DNAAF9: variants seen among roughly 807,000 people sequenced by gnomAD.
DNAAF9 encodes the protein shulin.
DNAAF9 carries 90 observed loss-of-function variants against 167.0 expected under a neutral mutation model. The observed-to-expected ratio is 0.54, with a 90% CI of 0.45 to 0.64. The LOEUF is 0.64. Among genes scored for constraint, DNAAF9 ranks in the 30% least tolerant of loss-of-function variants. The pLI is 0.00. For missense variants in DNAAF9, 1,315 were observed against 1,442.2 expected, an observed-to-expected ratio of 0.91 and a Z score of 1.43; for synonymous variants, 491 against 508.8, an observed-to-expected ratio of 0.96 and a Z score of 0.47.
intron 25 of DNAAF9, among the ~76,000 whole-genome samples, chr20:3,292,695 G>A (rs1207092984): frequency 6.6e-6 from 1 of 151,894 alleles, no homozygotes; most frequent in Admixed American, 6.6e-5. Flanking sequence ...GAACCTGGGA[G>A]GCAGAGGTTG....
intron 16 of DNAAF9, among the ~76,000 whole-genome samples, chr20:3,320,145 G>A (rs1307190461): frequency 1.3e-5 from 2 of 152,174 alleles, no homozygotes; most frequent in East Asian, 3.8e-4. Context: ...ATACAGCATG[G>A]TGCCTGTCTT....
chr20:3,327,038 A>G (rs1166666464), intron 12 of DNAAF9, among the ~76,000 whole-genome samples: 1 of 152,142 alleles, frequency 6.6e-6, no homozygotes, highest in African/African-American at 2.4e-5. Flanking sequence ...AGGCTGGTCT[A>G]TTACTGGAAC....
intron 7 of DNAAF9, among the ~76,000 whole-genome samples, chr20:3,356,283 G>A (rs1429089802): frequency 6.6e-6 from 1 of 152,168 alleles, no homozygotes; most frequent in Non-Finnish European, 1.5e-5. Flanking sequence ...CTCCCAAAGT[G>A]CTGGGATTAC....
At chr20:3,327,071 G>A (rs2069724265) in intron 12 of DNAAF9, among the ~76,000 whole-genome samples, 1 of 152,156 alleles carries the variant, frequency 6.6e-6, no homozygotes, top group Non-Finnish European at 1.5e-5. Context: ...GACCTCAGCG[G>A]GAGAAGAGAG....
intron 33 of DNAAF9, among the ~76,000 whole-genome samples, chr20:3,258,323 G>A (rs1050873963): frequency 1.3e-5 from 2 of 152,196 alleles, no homozygotes; most frequent in Non-Finnish European, 2.9e-5. Context: ...CATAAATCAA[G>A]CAAAAGCTAT....
intron 6 of DNAAF9, among the ~76,000 whole-genome samples, chr20:3,363,842 T>C (rs957235333): frequency 2.8e-4 from 43 of 152,264 alleles, no homozygotes; most frequent in Non-Finnish European, 3.8e-4. Flanking sequence ...TTTAGCATTA[T>C]TCAATCTGCC....
In DNAAF9 at chr20:3,252,247, T is replaced by G. The variant is rs1453098383; in HGVS notation, c.*325A>C. 1 of 217,048 alleles carries G rather than the reference T, an allele frequency of 4.6e-6. No individual in the cohort carries two copies. The highest frequency in any genetic ancestry group is 9.2e-6 in the Non-Finnish European group (1 of 108,464). 13.4% of individuals were successfully genotyped at this position (217,048 alleles called of 1,614,324 possible). The stretch of plus-strand genomic sequence containing the variant: ...CAGTAGCTCCTCTGTGTAATCCTAA[T>G]GCTTCTCCCCAACCTCAAGAGCCCA... On this transcript the variant is annotated 3_prime_UTR_variant, in exon 37 of 37. Coordinates refer to ENST00000252032, the MANE Select transcript of DNAAF9 (RefSeq NM_001009984.3).
rs553331810 is a variant in DNAAF9, at chr20:3,362,764, T to C, written c.613-3171A>G. Among the ~76,000 whole-genome samples, 9 of 152,274 alleles carry C rather than the reference T, an allele frequency of 5.9e-5. No individual in the cohort carries two copies. The East Asian group carries it at 1.3e-3, about 23-fold the overall frequency. ...ACTGAGAACCACTGACTTAAACATA[T>C]CAGAAATTCAAATTCCCTTTCTTCT... On this transcript the variant is annotated intron_variant, in intron 6 of 36. Coordinates refer to ENST00000252032, the MANE Select transcript of DNAAF9 (RefSeq NM_001009984.3).
chr20:3,362,204 C>T lies in DNAAF9; in HGVS notation c.613-2611G>A, dbSNP rs190592445. On this transcript the variant is annotated intron_variant, in intron 6 of 36. Coordinates refer to ENST00000252032, the MANE Select transcript of DNAAF9 (RefSeq NM_001009984.3). ...GTCCATCTTGTAAGTGTCATGTCTT[C>T]GTAATCTTCTAGACCCCAGCTAACT... 54 of 1,436,122 alleles carry T rather than the reference C, an allele frequency of 3.8e-5. No homozygotes were observed. The East Asian group carries it at 7.0e-4, about 19-fold the overall frequency. The allele number at this position is 1,436,122 out of a possible 1,614,324, so 89.0% of individuals were successfully genotyped here.
At chr20:3,286,425 C>T (rs1391826312) in intron 27 of DNAAF9, among the ~76,000 whole-genome samples, 1 of 152,214 alleles carries the variant, frequency 6.6e-6, no homozygotes, top group Non-Finnish European at 1.5e-5. Flanking sequence ...TGCACATTGT[C>T]AAGCTGCTGA....
At chr20:3,277,542 G>C (rs2236092) in intron 29 of DNAAF9, among the ~76,000 whole-genome samples, 29,885 of 151,740 alleles carry the variant, frequency 0.2, 3,147 homozygotes, top group African/African-American at 0.25. Flanking sequence ...CTTTCTATTT[G>C]AAGGACAGGT....
At chr20:3,359,820 G>T (rs1056024771) in intron 6 of DNAAF9, among the ~76,000 whole-genome samples, 1 of 152,026 alleles carries the variant, frequency 6.6e-6, no homozygotes, top group African/African-American at 2.4e-5. Flanking sequence ...TCAATAATGG[G>T]CACATATATA....
intron 1 of DNAAF9, among the ~76,000 whole-genome samples, chr20:3,394,309 G>A (rs1020512378): frequency 2.0e-4 from 30 of 150,898 alleles, no homozygotes; most frequent in African/African-American, 6.8e-4. Flanking sequence ...TTGCACTCCC[G>A]GCCTGGAGAC....
At position 3,315,170 on chromosome 20, in the gene DNAAF9, A is replaced by G. The variant is rs2069481520; in HGVS notation, c.1591-50T>C. 1 of 1,067,864 alleles carries G rather than the reference A, an allele frequency of 9.4e-7. No homozygotes were observed. The highest frequency in any genetic ancestry group is 1.7e-5 in the Admixed American group (1 of 58,402). The allele number at this position is 1,067,864 out of a possible 1,614,324, so 66.1% of individuals were successfully genotyped here. ...AAATCCAAAAAAGAATAGGTGATTT[A>G]TAGCATAAATATTCACAGAATCAAA... On this transcript the variant is annotated intron_variant, in intron 19 of 36. Transcript: ENST00000252032. This position sits in a 1 kb window ranked among gnomAD's most constrained non-coding sequence, Gnocchi z 4.1.
intron 6 of DNAAF9, among the ~76,000 whole-genome samples, chr20:3,366,852 G>C (rs964741072): frequency 4.0e-5 from 6 of 151,584 alleles, no homozygotes; most frequent in Admixed American, 1.3e-4. Flanking sequence ...TTGAGTTTGG[G>C]AGGTCAAGGC....
At chr20:3,400,591 T>C (rs1234145082) in intron 1 of DNAAF9, among the ~76,000 whole-genome samples, 2 of 152,150 alleles carry the variant, frequency 1.3e-5, no homozygotes, top group Non-Finnish European at 2.9e-5. Context: ...AAATCACAGA[T>C]AACAATTTTA....
At chr20:3,261,672 CCTTT>C (rs1339659091) in intron 31 of DNAAF9, among the ~76,000 whole-genome samples, 3 of 151,734 alleles carry the variant, frequency 2.0e-5, no homozygotes, top group East Asian at 1.9e-4. Flanking sequence ...GCCCCTGTTT[CCTTT>C]ATTTTAAAAC....
rs1042005857 is a variant in DNAAF9, at chr20:3,256,317, C to T, written c.3056-106G>A. 4.8e-6 allele frequency: 4 copies of T among 828,202 alleles called. No homozygotes were observed. The African/African-American group carries it at 5.0e-5, about 10-fold the overall frequency. The allele number at this position is 828,202 out of a possible 1,614,324, so 51.3% of individuals were successfully genotyped here. A position where few individuals can be genotyped will look rare whatever the true frequency, so the allele number is the denominator to read the frequency against. On this transcript the variant is annotated intron_variant, in intron 33 of 36. Coordinates refer to ENST00000252032, the MANE Select transcript of DNAAF9 (RefSeq NM_001009984.3). Reference sequence around the variant, plus strand: ...GTTGGGATAGATTCATGAGAAAATGCAAGAGACAGAACTGATGTGACTGGT... The same window carrying T: ...GTTGGGATAGATTCATGAGAAAATGTAAGAGACAGAACTGATGTGACTGGT...
chr20:3,391,038 C>T (rs1196093439), intron 1 of DNAAF9, among the ~76,000 whole-genome samples: 1 of 152,204 alleles, frequency 6.6e-6, no homozygotes, highest in Non-Finnish European at 1.5e-5. Context: ...TCCCCAACTA[C>T]TGCTGTACAA....
Sources: gnomAD v4.1 joint callset for allele counts (sites outside exome capture counted in the v4.1 genomes callset) on GRCh38, gnomAD v4.1.1 for gene constraint, Gnocchi (gnomAD v3.1) non-coding constraint, MANE v1.5 for transcripts, NCBI Gene and HGNC (gene_info 2026-07-23, HGNC 2026-07-21) for gene names.